The following UGT1A8 variants were observed in gnomAD, a reference collection of about 807,000 sequenced individuals.
UGT1A8 encodes UDP glucuronosyltransferase family 1 member A8, also known as UDP-glucuronosyltransferase 1A8.
A neutral mutation model predicts 45.3 loss-of-function variants in UGT1A8; 39 were observed. That is an observed-to-expected ratio of 0.86 (90% CI 0.67 to 1.12). UGT1A8 has a LOEUF of 1.12. UGT1A8 is among the 50% of genes most tolerant of loss of function. The pLI is 0.00. For synonymous variants in UGT1A8, 275 were observed against 249.2 expected (o/e 1.10, Z -0.97); for missense variants, 719 against 664.9 (o/e 1.08, Z -0.90).
At chr2:233,724,475 T>A (rs568755731) in intron 1 of UGT1A8, among the ~76,000 whole-genome samples, 8 of 68,812 alleles carry the variant, frequency 1.2e-4, no homozygotes, top group Non-Finnish European at 1.5e-4. Flanking sequence ...GGCTCCTCAC[T>A]TCTCAGACGG....
intron 1 of UGT1A8, among the ~76,000 whole-genome samples, chr2:233,754,048 T>C (rs1329917116): frequency 6.6e-6 from 1 of 152,254 alleles, no homozygotes; most frequent in Non-Finnish European, 1.5e-5. Flanking sequence ...TTGCCAGGTT[T>C]ACCTGCTTTT....
chr2:233,772,831 T>A lies in UGT1A8; in HGVS notation c.*272T>A. ...AGAGGACGTGCAGACAGGCTGGCATTCTAGATTACTTTTCTTACTCTGAAA... is the reference window on the plus strand; with the variant it reads ...AGAGGACGTGCAGACAGGCTGGCATACTAGATTACTTTTCTTACTCTGAAA... On this transcript the variant is annotated 3_prime_UTR_variant, in exon 5 of 5. Coordinates refer to ENST00000373450, the MANE Select transcript of UGT1A8 (RefSeq NM_019076.5). 1 of 893,950 alleles carries A rather than the reference T, an allele frequency of 1.1e-6. No individual in the cohort carries two copies. The highest frequency in any genetic ancestry group is 1.6e-6 in the Non-Finnish European group (1 of 642,656). The allele number at this position is 893,950 out of a possible 1,614,324, so 55.4% of individuals were successfully genotyped here. A position where few individuals can be genotyped will look rare whatever the true frequency, so the allele number is the denominator to read the frequency against.
At chr2:233,636,670 C>T (rs1222494702) in intron 1 of UGT1A8, 19 of 1,613,942 alleles carry the variant, frequency 1.2e-5, no homozygotes, top group African/African-American at 2.7e-5. Flanking sequence ...GAAACTTATC[C>T]TCAGGGGGCA....
chr2:233,653,250 T>C (rs1031472905), intron 1 of UGT1A8, among the ~76,000 whole-genome samples: 1 of 152,198 alleles, frequency 6.6e-6, no homozygotes, highest in Non-Finnish European at 1.5e-5. Context: ...TTGAAAAACA[T>C]ATAAAAACAC....
At chr2:233,760,618 A>C (rs558023429) in intron 1 of UGT1A8, 1 of 1,614,234 alleles carries the variant, frequency 6.2e-7, no homozygotes, top group Non-Finnish European at 8.5e-7. Context: ...GCGTGTGATC[A>C]AAACATACAA....
chr2:233,678,644 A>C (rs1282152976), intron 1 of UGT1A8, among the ~76,000 whole-genome samples: 1 of 152,192 alleles, frequency 6.6e-6, no homozygotes, highest in Non-Finnish European at 1.5e-5. Flanking sequence ...AGTCTTAAAT[A>C]ATTGGAAGCA....
At chr2:233,644,307 C>T (rs994495336) in intron 1 of UGT1A8, among the ~76,000 whole-genome samples, 1 of 152,292 alleles carries the variant, frequency 6.6e-6, no homozygotes, top group African/African-American at 2.4e-5. Context: ...GTGGCTCATG[C>T]CTGTAATCCC....
intron 1 of UGT1A8, among the ~76,000 whole-genome samples, chr2:233,745,130 TG>T (rs1693021871): frequency 6.6e-6 from 1 of 151,922 alleles, no homozygotes; most frequent in Admixed American, 6.5e-5. Flanking sequence ...AATCTGCAGA[TG>T]TGAAGCCCAA....
In UGT1A8 at chr2:233,682,429, C is replaced by T. The variant is rs560254383; in HGVS notation, c.855+63867C>T. 7.7e-5 allele frequency: 125 copies of T among 1,613,912 alleles called. No homozygotes were observed. In the South Asian group the frequency reaches 1.4e-3, roughly 17 times the overall value. ...TTGTTGCCAAATATTTCTCCCTCCC[C>T]TCTGTGGTCTTCGCCAGGGGAATAT... On this transcript the variant is annotated intron_variant, in intron 1 of 4. Transcript: ENST00000373450.
Position 233,636,976 on chromosome 2 carries a change from A to G in UGT1A8, c.855+18414A>G, listed in dbSNP as rs1403334601. On this transcript the variant is annotated intron_variant, in intron 1 of 4. Coordinates refer to ENST00000373450, the MANE Select transcript of UGT1A8 (RefSeq NM_019076.5). ...TGCAGTGTTTCTGGATCCTTTTGAT[A>G]CCTGTGGCTTAATTGTTGCTAAATA... 5.0e-6 allele frequency: 8 copies of G among 1,613,982 alleles called. 1 individual carries two copies. Among genetic ancestry groups the G allele is most frequent in the East Asian group, 2.2e-5 (1 of 44,888 alleles).
Position 233,670,827 on chromosome 2 carries a change from C to T in UGT1A8, c.855+52265C>T, listed in dbSNP as rs560879388. ...AAAAATCAAAAGAACTTTGAAAGAC[C>T]GTCTCTTACTGGCAAGATATTACCT... On this transcript the variant is annotated intron_variant, in intron 1 of 4. Transcript: ENST00000373450. Among the ~76,000 whole-genome samples the T allele has an allele frequency of 9.9e-4, 150 of 152,210 alleles. 1 individual carries two copies. Among genetic ancestry groups the T allele is most frequent in the African/African-American group, 3.3e-3 (136 of 41,518 alleles).
chr2:233,685,187 T>C (rs774060985), intron 1 of UGT1A8, among the ~76,000 whole-genome samples: 5 of 152,124 alleles, frequency 3.3e-5, no homozygotes, highest in Non-Finnish European at 5.9e-5. Context: ...CAGGAGAACA[T>C]TAAAACGGTT....
intron 1 of UGT1A8, chr2:233,681,902 GA>G: frequency 1.9e-6 from 3 of 1,594,860 alleles, no homozygotes; most frequent in Non-Finnish European, 2.6e-6. Flanking sequence ...TAGGAGCTTA[GA>G]ATCCCAGCTG....
chr2:233,725,246 AGAG>A (rs1452958185), intron 1 of UGT1A8, among the ~76,000 whole-genome samples: 3 of 47,660 alleles, frequency 6.3e-5, no homozygotes, highest in African/African-American at 3.5e-4. Flanking sequence ...AGGCAGAGGC[AGAG>A]GAGGCAGAGG....
At chr2:233,699,324 G>C (rs2075498732) in intron 1 of UGT1A8, among the ~76,000 whole-genome samples, 1 of 152,040 alleles carries the variant, frequency 6.6e-6, no homozygotes, top group Non-Finnish European at 1.5e-5. Context: ...CTATTTTGTT[G>C]AGTTTCATCC....
At chr2:233,686,929 G>A (rs990280211) in intron 1 of UGT1A8, among the ~76,000 whole-genome samples, 4 of 152,188 alleles carry the variant, frequency 2.6e-5, no homozygotes, top group African/African-American at 7.2e-5. Flanking sequence ...CCCACTGGCT[G>A]ACTCATGCAG....
intron 1 of UGT1A8, among the ~76,000 whole-genome samples, chr2:233,650,615 C>T (rs983494444): frequency 6.6e-6 from 1 of 152,096 alleles, no homozygotes; most frequent in Non-Finnish European, 1.5e-5. Flanking sequence ...CCATTTTTCC[C>T]ATTAACTTTT....
chr2:233,672,666 C>T, intron 1 of UGT1A8: 1 of 1,613,946 alleles, frequency 6.2e-7, no homozygotes, highest in Non-Finnish European at 8.5e-7. Flanking sequence ...AGTATGATCT[C>T]TACAGCCACA....
At chr2:233,719,115 G>A in intron 1 of UGT1A8, 1 of 1,614,244 alleles carries the variant, frequency 6.2e-7, no homozygotes, top group Non-Finnish European at 8.5e-7. Flanking sequence ...CTACACTCAA[G>A]GGTTCTTTGA....
Sources: allele counts gnomAD v4.1 joint callset (sites outside exome capture counted in the v4.1 genomes callset), GRCh38; gene constraint gnomAD v4.1.1; transcripts MANE v1.5; gene names NCBI Gene and HGNC (gene_info 2026-07-23, HGNC 2026-07-21).